The following PDIA4 variants were observed in gnomAD, a reference collection of about 807,000 sequenced individuals.
PDIA4 encodes protein disulfide-isomerase A4.
In PDIA4, 33 loss-of-function variants were observed where a neutral mutation model predicts 62.1. That is an observed-to-expected ratio of 0.53 (90% CI 0.40 to 0.71). The LOEUF (loss-of-function observed/expected upper bound fraction) is 0.71, where lower values mean the gene tolerates loss of function less well. Among genes scored for constraint, PDIA4 ranks in the 30% least tolerant of loss-of-function variants. The pLI, the probability that PDIA4 is intolerant of heterozygous loss-of-function variation, is 0.00. For missense variants in PDIA4, 804 were observed against 813.6 expected (o/e 0.99, Z 0.14); for synonymous variants, 341 against 324.1 (o/e 1.05, Z -0.56).
intron 1 of PDIA4, chr7:149,028,021 C>A: frequency 1.7e-6 from 1 of 600,170 alleles, no homozygotes; most frequent in Non-Finnish European, 3.2e-6. Context: ...GACCCAGCTG[C>A]AAAAAAGGCG....
At chr7:149,018,225 T>A (rs1824212229) in intron 3 of PDIA4, among the ~76,000 whole-genome samples, 1 of 149,702 alleles carries the variant, frequency 6.7e-6, no homozygotes, top group Non-Finnish European at 1.5e-5. Context: ...TGAGACTAAG[T>A]CTCAAAAAAA....
intron 1 of PDIA4, 75 bp downstream of exon 1, chr7:149,028,246 C>A: frequency 8.9e-7 from 1 of 1,119,142 alleles, no homozygotes; most frequent in South Asian, 1.6e-5. Flanking sequence ...CCGCCGGGGT[C>A]GCAGGGCCCA....
rs779405344 is a variant in PDIA4, at chr7:149,003,951, C to T, written c.1781G>A (p.Arg594His). 5 of 1,613,414 alleles carry T rather than the reference C, an allele frequency of 3.1e-6. No individual in the cohort carries two copies. Among genetic ancestry groups the T allele is most frequent in the Middle Eastern group, 1.7e-4 (1 of 6,056 alleles). The change falls in exon 10 of 10, where the codon CGC becomes CAC. Residue 594 changes from arginine to histidine, a missense_variant. Transcript: ENST00000652332. ...GGTGGGGAAGCCCTCCACCTTATAG[C>T]GGTCGCTGGGGACGTCGTTGGCAGT... ...DATANDVPSD[R>H]YKVEGFPTIY...
In PDIA4 at chr7:149,020,955, C is replaced by A; in HGVS notation, c.269+12G>T. 1 of 1,612,864 alleles carries A rather than the reference C, an allele frequency of 6.2e-7. No individual in the cohort carries two copies. Among genetic ancestry groups the A allele is most frequent in the Non-Finnish European group, 8.5e-7 (1 of 1,179,106 alleles). On this transcript the variant is annotated intron_variant, in intron 2 of 9. Transcript: ENST00000652332. ...GCTTGTCCACCTGCAGAAATTAGAA[C>A]GCGGTCCTTACCATGGAGCATAAAA... is the stretch of plus-strand genomic sequence containing the variant.
chr7:149,026,015 T>C (rs1824540290), intron 1 of PDIA4, among the ~76,000 whole-genome samples: 1 of 151,854 alleles, frequency 6.6e-6, no homozygotes, highest in South Asian at 2.1e-4. Flanking sequence ...TTAGTAACCA[T>C]GTTGGGGGAA....
At chr7:149,024,733 T>C (rs1237723825) in intron 1 of PDIA4, among the ~76,000 whole-genome samples, 1 of 148,866 alleles carries the variant, frequency 6.7e-6, no homozygotes, top group East Asian at 2.0e-4. Context: ...GGGGAATTGC[T>C]TGAACCCAGG....
chr7:149,025,070 C>CAAA lies in PDIA4; in HGVS notation c.88+3248_88+3250dup, dbSNP rs1184341612. On this transcript the variant is annotated intron_variant, in intron 1 of 9. Transcript: ENST00000652332. ...GGACAACAAGAGTGAAACTCCATCT[C>CAAA]AAAAAAAAAAAAAAAATATATATAT... Among the ~76,000 whole-genome samples, 211 of 70,118 alleles carry CAAA rather than the reference C, an allele frequency of 3.0e-3. 1 individual carries two copies. The highest frequency in any genetic ancestry group is 8.3e-3 in the African/African-American group (178 of 21,390). The allele number at this position is 70,118 out of a possible 152,430, so 46.0% of individuals were successfully genotyped here.
intron 7 of PDIA4, 31 bp downstream of exon 7, chr7:149,008,128 C>T (rs760878735): frequency 7.7e-5 from 123 of 1,604,484 alleles, no homozygotes; most frequent in African/African-American, 1.5e-4. Context: ...GCGGGGTGTC[C>T]AGGGCTGGCA....
rs934514214 is a variant in PDIA4 at position 149,019,202 on chromosome 7, C to T, written c.270-5G>A. The T allele has an allele frequency of 1.9e-6, 3 of 1,603,822 alleles. No homozygotes were observed. The highest frequency in any genetic ancestry group is 2.6e-6 in the Non-Finnish European group (3 of 1,170,704). On this transcript the variant is annotated splice_region_variant and splice_polypyrimidine_tract_variant and intron_variant, in intron 2 of 9. Transcript: ENST00000652332. ...AACTGCTTGCAATGTCCACACCTAACAATTAGATTAGGAAGGGCAAAAAAC... is the reference window on the plus strand; with the variant it reads ...AACTGCTTGCAATGTCCACACCTAATAATTAGATTAGGAAGGGCAAAAAAC...
chr7:149,028,379 C>A lies in PDIA4; in HGVS notation c.30G>T (p.Leu10=). The A allele has an allele frequency of 6.6e-7, 1 of 1,525,486 alleles. No homozygotes were observed. The highest frequency in any genetic ancestry group is 8.8e-7 in the Non-Finnish European group (1 of 1,137,634). The allele number at this position is 1,525,486 out of a possible 1,614,324, so 94.5% of individuals were successfully genotyped here. A position where few individuals can be genotyped will look rare whatever the true frequency, so the allele number is the denominator to read the frequency against. ...GCAGCTGCACCAGCCCCAAGAGCAG[C>A]AGGAGCAGGAAGGCTTTCCGGGGCC... is the stretch of plus-strand genomic sequence containing the variant. MRPRKAFLL[L]LLLGLVQLLA... The change falls in exon 1 of 10, where the codon CTG becomes CTT. Residue 10 remains leucine, a synonymous_variant. Coordinates refer to ENST00000652332, the MANE Select transcript of PDIA4 (RefSeq NM_004911.5).
intron 1 of PDIA4, among the ~76,000 whole-genome samples, chr7:149,024,510 A>G (rs1369348072): frequency 6.6e-6 from 1 of 152,048 alleles, no homozygotes; most frequent in East Asian, 1.9e-4. Flanking sequence ...TGGACATTCT[A>G]GGATAGAAAA....
In PDIA4 at chr7:149,006,020, C is replaced by T. The variant is rs764223892; in HGVS notation, c.1165G>A (p.Val389Met). 1.3e-6 allele frequency: 2 copies of T among 1,564,368 alleles called. No homozygotes were observed. Among genetic ancestry groups the T allele is most frequent in the East Asian group, 2.4e-5 (1 of 40,870 alleles). ...ACCAGGGGCAGGGCGTACTTCAGCA[C>T]GAAGTCCTTGATGGCCGAGTCCTGG... Reference protein sequence around the residue: ...STQDSAIKDFVLKYALPLVGH... With the variant: ...STQDSAIKDFMLKYALPLVGH... Residue 389 changes from valine to methionine, a missense_variant, in exon 8 of 10, where the codon GTG becomes ATG. Coordinates refer to ENST00000652332, the MANE Select transcript of PDIA4 (RefSeq NM_004911.5).
intron 7 of PDIA4, among the ~76,000 whole-genome samples, chr7:149,007,433 G>A (rs529520699): frequency 9.5e-4 from 145 of 152,370 alleles, no homozygotes; most frequent in African/African-American, 3.1e-3. Context: ...ACCAGGAGCT[G>A]TGGGGTCTGG....
chr7:149,005,944 A>AG lies in PDIA4; in HGVS notation c.1240dup (p.Leu414ProfsTer13). The AG allele has an allele frequency of 6.5e-7, 1 of 1,531,932 alleles. No individual in the cohort carries two copies. Among genetic ancestry groups the AG allele is most frequent in the East Asian group, 2.6e-5 (1 of 39,066 alleles). The allele number at this position is 1,531,932 out of a possible 1,614,324, so 94.9% of individuals were successfully genotyped here. The stretch of plus-strand genomic sequence containing the variant: ...GTCCACACTGTAGTAGACGACCACC[A>AG]GGGGGCGCCTGGTGTAGCGCTTAGC... On this transcript the variant is annotated frameshift_variant, in exon 8 of 10. Transcript: ENST00000652332. LOFTEE classifies it high-confidence loss of function.
Position 149,003,799 on chromosome 7 carries a change from G to C in PDIA4, c.1933C>G (p.Leu645Val), listed in dbSNP as rs775982785. The C allele has an allele frequency of 1.3e-6, 2 of 1,538,530 alleles. No homozygotes were observed. The highest frequency in any genetic ancestry group is 4.6e-5 in the East Asian group (2 of 43,936). The stretch of plus-strand genomic sequence containing the variant: ...CTTCCGCAGACCTCAGGCCTTCAAA[G>C]CTCTTCCTTGGTCCTGCTCAGTTTT... ...ATKLSRTKEE[L>V] Residue 645 changes from leucine (L) to valine (V), a missense_variant, in exon 10 of 10, where the codon CTT becomes GTT. By Grantham distance (32) the Leu-to-Val change is conservative. Transcript: ENST00000652332.
At chr7:149,021,935 T>C (rs1279118106) in intron 1 of PDIA4, among the ~76,000 whole-genome samples, 1 of 152,190 alleles carries the variant, frequency 6.6e-6, no homozygotes, top group Non-Finnish European at 1.5e-5. Context: ...TTTCGTGATC[T>C]CGCCCTAGCT....
Position 149,014,996 on chromosome 7 carries a change from A to G in PDIA4, c.522T>C (p.Pro174=), listed in dbSNP as rs1371468963. 6.2e-7 allele frequency: 1 copy of G among 1,614,188 alleles called. No homozygotes were observed. The highest frequency in any genetic ancestry group is 8.5e-7 in the Non-Finnish European group (1 of 1,179,988). Reference sequence around the variant, plus strand: ...TCAACACAAGCGTGACTTCTGGTGGAGGCGTCCAGTCGGGCTGGGAGACTT... The same window carrying G: ...TCAACACAAGCGTGACTTCTGGTGGGGGCGTCCAGTCGGGCTGGGAGACTT... ...VREVSQPDWT[P]PPEVTLVLTK... is the part of the protein sequence containing the mutation. The change falls in exon 4 of 10, where the codon CCT becomes CCC. Residue 174 remains proline, a synonymous_variant. Transcript: ENST00000652332.
chr7:149,022,479 A>G (rs1824386878), intron 1 of PDIA4, among the ~76,000 whole-genome samples: 1 of 152,214 alleles, frequency 6.6e-6, no homozygotes, highest in South Asian at 2.1e-4. Flanking sequence ...GGCTACTGTC[A>G]CACCAGTAAA....
chr7:149,014,915 A>G lies in PDIA4; in HGVS notation c.603T>C (p.Phe201=), dbSNP rs1295872077. 6.2e-7 allele frequency: 1 copy of G among 1,614,036 alleles called. No homozygotes were observed. The highest frequency in any genetic ancestry group is 8.5e-7 in the Non-Finnish European group (1 of 1,179,994). Residue 201 remains phenylalanine, a synonymous_variant, in exon 4 of 10, where the codon TTT becomes TTC. Coordinates refer to ENST00000652332, the MANE Select transcript of PDIA4 (RefSeq NM_004911.5). The stretch of plus-strand genomic sequence containing the variant: ...TGACACCACCTTACCATGGGGCATA[A>G]AACTCCACCAGAATGATATCTGCAT... ...VNDADIILVE[F]YAPWCGHCKK... is the part of the protein sequence containing the mutation.
Sources: allele counts gnomAD v4.1 joint callset (sites outside exome capture counted in the v4.1 genomes callset), GRCh38; gene constraint gnomAD v4.1.1; transcripts MANE v1.5; gene names NCBI Gene and HGNC (gene_info 2026-07-23, HGNC 2026-07-21).